ANKRD31: variants seen among roughly 807,000 people sequenced by gnomAD.
ANKRD31 encodes the protein ankyrin repeat domain 31.
A neutral mutation model predicts 186.0 loss-of-function variants in ANKRD31; 147 were observed. The ratio of observed to expected loss-of-function variants is 0.79; its 90% CI spans 0.69 to 0.91. The LOEUF is 0.91. Among genes scored for constraint, ANKRD31 ranks in the 40% least tolerant of loss-of-function variants. ANKRD31 has a pLI of 0.00. For missense variants in ANKRD31, 1,986 were observed against 2,148.8 expected (o/e 0.92, Z 1.50); for synonymous variants, 673 against 736.4 (o/e 0.91, Z 1.39).
intron 23 of ANKRD31, among the ~76,000 whole-genome samples, chr5:75,084,997 T>C (rs908471580): frequency 1.3e-5 from 2 of 152,098 alleles, no homozygotes; most frequent in Non-Finnish European, 2.9e-5. Flanking sequence ...GCCAGAAATG[T>C]TCTGGGCCCA....
chr5:75,218,863 CAG>C (rs1757125551), intron 3 of ANKRD31, among the ~76,000 whole-genome samples: 1 of 152,160 alleles, frequency 6.6e-6, no homozygotes, highest in Middle Eastern at 3.4e-3. Flanking sequence ...ATTCATCAAA[CAG>C]AAATAAAAGA....
intron 10 of ANKRD31, among the ~76,000 whole-genome samples, chr5:75,177,528 G>A (rs536134367): frequency 4.3e-4 from 65 of 152,226 alleles, no homozygotes; most frequent in African/African-American, 1.4e-3. Context: ...GACTAACAGT[G>A]GATCTCTTGG....
At chr5:75,169,875 T>C (rs1753195286) in intron 10 of ANKRD31, among the ~76,000 whole-genome samples, 1 of 152,110 alleles carries the variant, frequency 6.6e-6, no homozygotes, top group Non-Finnish European at 1.5e-5. Context: ...ACCCACCAGA[T>C]GATAGTAGAA....
At chr5:75,194,700 G>A (rs184442297) in intron 7 of ANKRD31, among the ~76,000 whole-genome samples, 50 of 152,198 alleles carry the variant, frequency 3.3e-4, no homozygotes, top group Non-Finnish European at 5.9e-4. Context: ...AAAGATTTAA[G>A]TAGTGCTACA....
intron 23 of ANKRD31, among the ~76,000 whole-genome samples, chr5:75,086,643 C>T (rs1745502127): frequency 6.6e-6 from 1 of 152,154 alleles, no homozygotes; most frequent in African/African-American, 2.4e-5. Context: ...CAGATGAGAA[C>T]ATGTAAGAGA....
Position 75,236,769 on chromosome 5 carries a change from G to T in ANKRD31, c.-83C>A. On this transcript the variant is annotated 5_prime_UTR_variant, in exon 1 of 26. Coordinates refer to ENST00000506364, the MANE Select transcript of ANKRD31 (RefSeq NM_001372053.1). Reference sequence around the variant, plus strand: ...CAAAAAAACGCTTTGAGGGCCAGGGGAAATTGTGAATTAAAAATAAAAATA... The same window carrying T: ...CAAAAAAACGCTTTGAGGGCCAGGGTAAATTGTGAATTAAAAATAAAAATA... 2 of 1,038,566 alleles carry T rather than the reference G, an allele frequency of 1.9e-6. No homozygotes were observed. The highest frequency in any genetic ancestry group is 5.4e-5 in the Admixed American group (2 of 36,806). The allele number at this position is 1,038,566 out of a possible 1,614,324, so 64.3% of individuals were successfully genotyped here. A position where few individuals can be genotyped will look rare whatever the true frequency, so the allele number is the denominator to read the frequency against.
At chr5:75,192,834 GAAT>G in intron 8 of ANKRD31, 58 bp from the exon 9 acceptor site, 1 of 1,234,030 alleles carries the variant, frequency 8.1e-7, no homozygotes, top group Non-Finnish European at 1.1e-6. Context: ...CATTCACAGA[GAAT>G]TATACCAATT....
At position 75,068,764 on chromosome 5, in the gene ANKRD31, AG is replaced by A. The variant is rs1399580597; in HGVS notation, c.5648-101del. On this transcript the variant is annotated intron_variant, in intron 25 of 25. Coordinates refer to ENST00000506364, the MANE Select transcript of ANKRD31 (RefSeq NM_001372053.1). ...TAGAATCCAATCAAGTCTATTTGAG[AG>A]CACACATAACAGGTTTTCTGATCAG... 7.3e-6 allele frequency: 9 copies of A among 1,231,692 alleles called. No homozygotes were observed. The East Asian group carries it at 2.5e-4, about 35-fold the overall frequency. 76.3% of individuals were successfully genotyped at this position (1,231,692 alleles called of 1,614,324 possible).
intron 15 of ANKRD31, among the ~76,000 whole-genome samples, chr5:75,142,546 A>T (rs1227582211): frequency 6.6e-6 from 1 of 151,962 alleles, no homozygotes; most frequent in Non-Finnish European, 1.5e-5. Flanking sequence ...ATTCTTGTAT[A>T]GTTTCTGTTT....
At chr5:75,216,868 T>C (rs903979739) in intron 3 of ANKRD31, among the ~76,000 whole-genome samples, 4 of 152,172 alleles carry the variant, frequency 2.6e-5, no homozygotes, top group African/African-American at 9.6e-5. Flanking sequence ...TTCAGTGCTA[T>C]AAATCTCTTT....
chr5:75,098,133 C>T (rs1746487166), intron 22 of ANKRD31, among the ~76,000 whole-genome samples: 1 of 152,008 alleles, frequency 6.6e-6, no homozygotes, highest in Non-Finnish European at 1.5e-5. Context: ...GCTGGGACTA[C>T]AGGCGCCCAC....
intron 3 of ANKRD31, among the ~76,000 whole-genome samples, chr5:75,221,308 AAAT>A (rs1757285523): frequency 1.3e-5 from 2 of 152,360 alleles, no homozygotes; most frequent in South Asian, 4.1e-4. Context: ...GAAATGACAT[AAAT>A]GTCAAAATCA....
intron 10 of ANKRD31, among the ~76,000 whole-genome samples, chr5:75,176,412 T>G (rs142624539): frequency 6.6e-6 from 1 of 152,076 alleles, no homozygotes. Flanking sequence ...CAGCTTGAGA[T>G]CTGAGAAAGA....
chr5:75,131,507 C>T (rs918006147), intron 17 of ANKRD31, among the ~76,000 whole-genome samples: 10 of 152,150 alleles, frequency 6.6e-5, no homozygotes, highest in African/African-American at 1.9e-4. Flanking sequence ...AACAAAGCAG[C>T]GGGGAGGCTC....
chr5:75,165,249 T>C (rs1465727582), intron 11 of ANKRD31, among the ~76,000 whole-genome samples: 1 of 151,722 alleles, frequency 6.6e-6, no homozygotes, highest in Admixed American at 6.6e-5. Flanking sequence ...ATAAAGAATA[T>C]TCAACTTGTA....
intron 11 of ANKRD31, among the ~76,000 whole-genome samples, chr5:75,156,322 T>C (rs1321603919): frequency 6.6e-6 from 1 of 152,180 alleles, no homozygotes; most frequent in Non-Finnish European, 1.5e-5. Context: ...CTCTGAGATG[T>C]GTGTGTATGT....
At chr5:75,204,992 C>T (rs893778003) in intron 5 of ANKRD31, among the ~76,000 whole-genome samples, 1 of 152,196 alleles carries the variant, frequency 6.6e-6, no homozygotes, top group Non-Finnish European at 1.5e-5. Flanking sequence ...CCCGCCTCAG[C>T]GCAGCTGAGA....
At chr5:75,202,339 C>A (rs6879894) in intron 5 of ANKRD31, among the ~76,000 whole-genome samples, 77,287 of 152,024 alleles carry the variant, frequency 0.51, 22,697 homozygotes, top group African/African-American at 0.82. Context: ...TATTAAAAAC[C>A]AACACATTTA....
intron 10 of ANKRD31, among the ~76,000 whole-genome samples, chr5:75,170,089 T>C (rs1753209500): frequency 6.6e-6 from 1 of 152,152 alleles, no homozygotes; most frequent in Non-Finnish European, 1.5e-5. Context: ...TTTTTCCCTA[T>C]AAATTTCCTT....
Sources: gnomAD v4.1 joint callset for allele counts (sites outside exome capture counted in the v4.1 genomes callset) on GRCh38, gnomAD v4.1.1 for gene constraint, MANE v1.5 for transcripts, NCBI Gene and HGNC (gene_info 2026-07-23, HGNC 2026-07-21) for gene names.